Variants in PRKCB observed in about 807,000 individuals in gnomAD.
The protein encoded by PRKCB is protein kinase C beta.
PRKCB carries 13 observed loss-of-function variants against 81.5 expected under a neutral mutation model. That is an observed-to-expected ratio of 0.16 (90% confidence interval 0.10 to 0.25). PRKCB has a LOEUF of 0.25. Among genes scored for constraint, PRKCB ranks in the 10% least tolerant of loss-of-function variants. The pLI is 1.00. For synonymous variants in PRKCB, 335 were observed against 321.4 expected, an observed-to-expected ratio of 1.04 and a Z score of -0.45; for missense variants, 509 against 875.7, an observed-to-expected ratio of 0.58 and a Z score of 5.29.
chr16:24,117,402 C>T (rs975648965), intron 8 of PRKCB, among the ~76,000 whole-genome samples: 6 of 152,140 alleles, frequency 3.9e-5, no homozygotes, highest in Admixed American at 6.5e-5. Flanking sequence ...TTTTGGATGG[C>T]GCACAGTGGG....
intron 5 of PRKCB, among the ~76,000 whole-genome samples, chr16:24,083,447 T>C (rs2141894226): frequency 6.6e-6 from 1 of 152,318 alleles, no homozygotes; most frequent in East Asian, 1.9e-4. Context: ...TCTTTAACAG[T>C]TGAATAGATA....
chr16:24,131,938 G>A (rs545282237), intron 9 of PRKCB, among the ~76,000 whole-genome samples: 3 of 152,068 alleles, frequency 2.0e-5, no homozygotes, highest in South Asian at 2.1e-4. Context: ...ATTCGTGTGC[G>A]TACCTGGAAG....
At chr16:24,072,753 T>A (rs1011500028) in intron 5 of PRKCB, among the ~76,000 whole-genome samples, 1 of 152,062 alleles carries the variant, frequency 6.6e-6, no homozygotes, top group Non-Finnish European at 1.5e-5. Flanking sequence ...AGCTAATTTT[T>A]GTATTTTTAG....
chr16:23,838,794 G>A (rs72777913), intron 2 of PRKCB, among the ~76,000 whole-genome samples: 23,168 of 152,108 alleles, frequency 0.15, 2,084 homozygotes, highest in Admixed American at 0.26. Flanking sequence ...TCGGGGTCCC[G>A]GTGGGCTCAG....
chr16:24,162,746 G>A (rs942692465), intron 10 of PRKCB, among the ~76,000 whole-genome samples: 2 of 152,066 alleles, frequency 1.3e-5, no homozygotes, highest in Non-Finnish European at 2.9e-5. Flanking sequence ...GAGCCACCGC[G>A]CCCAGCCTGG....
intron 5 of PRKCB, among the ~76,000 whole-genome samples, chr16:24,069,083 G>C (rs945884685): frequency 6.6e-6 from 1 of 152,170 alleles, no homozygotes; most frequent in Non-Finnish European, 1.5e-5. Context: ...CAAGGAGACT[G>C]AGTTACCGAG....
intron 2 of PRKCB, among the ~76,000 whole-genome samples, chr16:23,917,459 AG>A (rs990993641): frequency 6.6e-6 from 1 of 152,238 alleles, no homozygotes; most frequent in Non-Finnish European, 1.5e-5. Flanking sequence ...ATATTGACTC[AG>A]AAACCCTTCC....
chr16:23,851,836 T>G (rs1275780141), intron 2 of PRKCB, among the ~76,000 whole-genome samples: 1 of 152,172 alleles, frequency 6.6e-6, no homozygotes. Flanking sequence ...ATTTTTTTTT[T>G]GCTGCTATTG....
intron 2 of PRKCB, among the ~76,000 whole-genome samples, chr16:23,846,128 A>G (rs1231658602): frequency 6.6e-6 from 1 of 152,186 alleles, no homozygotes; most frequent in Admixed American, 6.5e-5. Flanking sequence ...TTAACAATAA[A>G]CAGTGTTGAC....
chr16:23,956,670 C>A (rs866007829), intron 2 of PRKCB, among the ~76,000 whole-genome samples: 1 of 152,238 alleles, frequency 6.6e-6, no homozygotes, highest in African/African-American at 2.4e-5. Context: ...CAACAGCGCA[C>A]GAAAGTGCCT....
chr16:23,952,301 G>T (rs1481064887), intron 2 of PRKCB, among the ~76,000 whole-genome samples: 1 of 152,224 alleles, frequency 6.6e-6, no homozygotes, highest in Non-Finnish European at 1.5e-5. Flanking sequence ...AGCAGGCACA[G>T]TGAAGCTCTG....
intron 2 of PRKCB, among the ~76,000 whole-genome samples, chr16:23,987,245 A>T (rs138936107): frequency 0.011 from 1,698 of 152,352 alleles, 11 homozygotes; most frequent in Middle Eastern, 0.054. Context: ...AAGTAAAATT[A>T]AAAAAATTTA....
chr16:24,128,194 G>A (rs184711296), intron 9 of PRKCB, among the ~76,000 whole-genome samples: 1 of 152,206 alleles, frequency 6.6e-6, no homozygotes, highest in Non-Finnish European at 1.5e-5. Context: ...GGCCAATATG[G>A]TGAAACCCTG....
At chr16:23,865,039 T>C (rs748358067) in intron 2 of PRKCB, among the ~76,000 whole-genome samples, 3 of 152,042 alleles carry the variant, frequency 2.0e-5, no homozygotes, top group Non-Finnish European at 4.4e-5. Context: ...TCCAGCTGCA[T>C]CCATGTTGCT....
At chr16:23,986,457 G>A (rs1408050109) in intron 2 of PRKCB, among the ~76,000 whole-genome samples, 1 of 151,972 alleles carries the variant, frequency 6.6e-6, no homozygotes. Flanking sequence ...TCACTATGTT[G>A]CCCAGGTTGG....
At chr16:24,038,782 T>C (rs1444914138) in intron 5 of PRKCB, among the ~76,000 whole-genome samples, 1 of 152,220 alleles carries the variant, frequency 6.6e-6, no homozygotes, top group Non-Finnish European at 1.5e-5. Context: ...GGCGAGAGTG[T>C]GGTCTCCGTG....
At position 24,159,850 on chromosome 16, in the gene PRKCB, A is replaced by T. The variant is rs8049471; in HGVS notation, c.1239+4993A>T. On this transcript the variant is annotated intron_variant, in intron 10 of 16. Transcript: ENST00000643927. Reference sequence around the variant, plus strand: ...CTCTACAAAAAATTAGCTAGGAGTGATGCACGCACCCGTAGTCCCACCTAC... The same window carrying T: ...CTCTACAAAAAATTAGCTAGGAGTGTTGCACGCACCCGTAGTCCCACCTAC... 5.6e-3 allele frequency among the ~76,000 whole-genome samples: 855 copies of T among 152,052 alleles called. 6 individuals carry two copies. The highest frequency in any genetic ancestry group is 0.019 in the African/African-American group (797 of 41,478).
intron 2 of PRKCB, among the ~76,000 whole-genome samples, chr16:23,965,329 C>G (rs1187301040): frequency 6.6e-6 from 1 of 152,180 alleles, no homozygotes; most frequent in Non-Finnish European, 1.5e-5. Context: ...TGGTTTCATT[C>G]TTTTTTATGC....
At chr16:23,944,213 G>C (rs1390387258) in intron 2 of PRKCB, among the ~76,000 whole-genome samples, 1 of 152,136 alleles carries the variant, frequency 6.6e-6, no homozygotes, top group Non-Finnish European at 1.5e-5. Context: ...CATAGTATCT[G>C]CATATTGTGA....
Sources: allele counts gnomAD v4.1 joint callset (sites outside exome capture counted in the v4.1 genomes callset), GRCh38; gene constraint gnomAD v4.1.1; transcripts MANE v1.5; gene names NCBI Gene and HGNC (gene_info 2026-07-23, HGNC 2026-07-21).